SLC25A30: variants seen among roughly 807,000 people sequenced by gnomAD.
SLC25A30 encodes kidney mitochondrial carrier protein 1.
Under a neutral mutation model 42.7 loss-of-function variants are expected in SLC25A30, and 29 were observed. The observed-to-expected ratio is 0.68, with a 90% CI of 0.51 to 0.93. SLC25A30 has a LOEUF of 0.93. SLC25A30 is among the 40% of genes least tolerant of loss of function. The pLI is 0.00. For synonymous variants in SLC25A30, 124 were observed against 131.0 expected, an observed-to-expected ratio of 0.95 and a Z score of 0.37; for missense variants, 300 against 359.7, an observed-to-expected ratio of 0.83 and a Z score of 1.34.
At chr13:45,407,618 A>G (rs747188969) in intron 3 of SLC25A30, among the ~76,000 whole-genome samples, 7 of 152,180 alleles carry the variant, frequency 4.6e-5, no homozygotes, top group Non-Finnish European at 1.0e-4. Context: ...TGCTTCCAAC[A>G]TGGATCCAAA....
chr13:45,418,991 C>A (rs1883782160), upstream of SLC25A30, among the ~76,000 whole-genome samples: 1 of 87,198 alleles, frequency 1.1e-5, no homozygotes. Context: ...AAAAGCCAGA[C>A]CTGGTGGCGG....
At chr13:45,432,209 G>A in the SLC25A30 span, among the ~76,000 whole-genome samples, 1 of 151,124 alleles carries the variant, frequency 6.6e-6, no homozygotes, top group Non-Finnish European at 1.5e-5. Flanking sequence ...GGTGAAGATT[G>A]CAGTGAGCCG....
At chr13:45,402,730 A>G (rs146054788) in intron 5 of SLC25A30, 9,735 of 968,264 alleles carry the variant, frequency 0.01, 64 homozygotes, top group South Asian at 0.042. Context: ...TCAAAGGTTT[A>G]ATCTAATTAA....
At chr13:45,404,959 G>T (rs188726386) in intron 4 of SLC25A30, among the ~76,000 whole-genome samples, 1 of 152,262 alleles carries the variant, frequency 6.6e-6, no homozygotes, top group African/African-American at 2.4e-5. Context: ...GTCTCACTCT[G>T]TTACCTAGGC....
rs1244032895 is a variant in SLC25A30 at position 45,394,410 on chromosome 13, C to T, written c.*1564G>A. 1.0e-6 allele frequency: 1 copy of T among 985,386 alleles called. No individual in the cohort carries two copies. The highest frequency in any genetic ancestry group is 1.2e-6 in the Non-Finnish European group (1 of 829,924). 61.0% of individuals were successfully genotyped at this position (985,386 alleles called of 1,614,324 possible). On this transcript the variant is annotated 3_prime_UTR_variant, in exon 10 of 10. Coordinates refer to ENST00000519676, the MANE Select transcript of SLC25A30 (RefSeq NM_001010875.4). ...TCCTCCAAAAAAACCTGCAGTCCTT[C>T]TATTCAGTCTCAACAAAGAGACTGG...
At position 45,394,591 on chromosome 13, in the gene SLC25A30, G is replaced by A; in HGVS notation, c.*1383C>T. On this transcript the variant is annotated 3_prime_UTR_variant, in exon 10 of 10. Transcript: ENST00000519676. ...GCCTCCCAGAAGTGGAAGTTCTTGG[G>A]GTTCTCACAGTCATCTTTTATTTTG... 1.0e-6 allele frequency: 1 copy of A among 985,274 alleles called. No homozygotes were observed. Among genetic ancestry groups the A allele is most frequent in the Non-Finnish European group, 1.2e-6 (1 of 829,906 alleles). 61.0% of individuals were successfully genotyped at this position (985,274 alleles called of 1,614,324 possible).
the SLC25A30 span, among the ~76,000 whole-genome samples, chr13:45,427,990 G>A: frequency 3.3e-5 from 5 of 151,230 alleles, no homozygotes; most frequent in South Asian, 2.1e-4. Flanking sequence ...TGATCCACCC[G>A]CCTCGGCCTC....
upstream of SLC25A30, chr13:45,420,459 A>G (rs1200167219): frequency 6.6e-6 from 1 of 152,318 alleles, no homozygotes; most frequent in Non-Finnish European, 1.5e-5. Flanking sequence ...GGGCAGGGAA[A>G]TAAGTACATG....
the SLC25A30 span, among the ~76,000 whole-genome samples, chr13:45,427,393 A>G: frequency 6.8e-6 from 1 of 146,380 alleles, no homozygotes; most frequent in African/African-American, 2.8e-5. Context: ...GAAAGACTGA[A>G]CTTGGTCCAT....
intron 1 of SLC25A30, among the ~76,000 whole-genome samples, chr13:45,415,561 G>T (rs1002384204): frequency 5.9e-5 from 9 of 151,988 alleles, no homozygotes; most frequent in Admixed American, 5.9e-4. Context: ...GACCAGCCAG[G>T]CCAACATGGT....
chr13:45,406,053 G>C, intron 3 of SLC25A30, 76 bp from the exon 4 acceptor site: 1 of 1,314,698 alleles, frequency 7.6e-7, no homozygotes, highest in Non-Finnish European at 1.1e-6. Context: ...CACATGCAGA[G>C]TGCCATCCAT....
At chr13:45,402,606 G>A (rs1430740164) in intron 5 of SLC25A30, among the ~76,000 whole-genome samples, 2 of 152,146 alleles carry the variant, frequency 1.3e-5, no homozygotes, top group African/African-American at 2.4e-5. Context: ...AGAGTCCTAC[G>A]TACAGCAGTT....
the SLC25A30 span, among the ~76,000 whole-genome samples, chr13:45,425,003 A>T: frequency 6.7e-5 from 1 of 14,852 alleles, no homozygotes; most frequent in African/African-American, 3.8e-4. Context: ...TAAATATATA[A>T]ATATATATAA....
upstream of SLC25A30, chr13:45,418,453 C>G (rs1395387042): frequency 6.6e-6 from 1 of 152,556 alleles, no homozygotes; most frequent in Non-Finnish European, 1.5e-5. Context: ...CGCGCAAACA[C>G]GCGACCTCCT....
rs758462261 is a variant in SLC25A30 at position 45,411,350 on chromosome 13, T to C, written c.64+12A>G. 4.4e-6 allele frequency: 7 copies of C among 1,606,136 alleles called. No individual in the cohort carries two copies. In the African/African-American group the frequency reaches 9.4e-5, roughly 21 times the overall value. ...CAGCAGGCTACGTGATCCACCACCCTCAGGTCCTTACCGCACTCAGCAGTG... is the reference window on the plus strand; with the variant it reads ...CAGCAGGCTACGTGATCCACCACCCCCAGGTCCTTACCGCACTCAGCAGTG... On this transcript the variant is annotated intron_variant, in intron 2 of 9. Transcript: ENST00000519676.
At chr13:45,415,956 C>T (rs191050411) in intron 1 of SLC25A30, among the ~76,000 whole-genome samples, 3 of 150,822 alleles carry the variant, frequency 2.0e-5, no homozygotes, top group Admixed American at 1.3e-4. Flanking sequence ...CGTGCCACCA[C>T]GTCCAGCTAA....
At chr13:45,419,311 G>A (rs1883809993), upstream of SLC25A30, among the ~76,000 whole-genome samples, 1 of 150,724 alleles carries the variant, frequency 6.6e-6, no homozygotes, top group South Asian at 2.1e-4. Context: ...GCATACCCAG[G>A]TATATTTTTG....
chr13:45,401,693 C>A (rs1302562980), intron 6 of SLC25A30, among the ~76,000 whole-genome samples: 2 of 151,204 alleles, frequency 1.3e-5, no homozygotes, highest in South Asian at 2.1e-4. Context: ...AGCAAAAGAC[C>A]AAACAACAAC....
upstream of SLC25A30, among the ~76,000 whole-genome samples, chr13:45,422,859 T>G (rs2137717934): frequency 6.6e-6 from 1 of 152,148 alleles, no homozygotes; most frequent in East Asian, 1.9e-4. Flanking sequence ...ACCTGCTGAG[T>G]TATTTCTCTT....
Sources: allele counts gnomAD v4.1 joint callset (sites outside exome capture counted in the v4.1 genomes callset), GRCh38; gene constraint gnomAD v4.1.1; transcripts MANE v1.5; gene names NCBI Gene and HGNC (gene_info 2026-07-23, HGNC 2026-07-21).